The following CHD7 variants were observed in gnomAD, a reference collection of about 807,000 sequenced individuals.
The protein encoded by CHD7 is ATP-dependent chromatin remodeler CHD7.
Under a neutral mutation model 307.3 loss-of-function variants are expected in CHD7, and 24 were observed. That is an observed-to-expected ratio of 0.08 (90% confidence interval 0.06 to 0.11). CHD7 has a LOEUF of 0.11. Among genes scored for constraint, CHD7 ranks in the 10% least tolerant of loss-of-function variants. The pLI, the probability that CHD7 is intolerant of heterozygous loss-of-function variation, is 1.00. For missense variants in CHD7, 3,106 were observed against 3,727.1 expected (o/e 0.83, Z 4.34); for synonymous variants, 1,363 against 1,349.9 (o/e 1.01, Z -0.21).
intron 2 of CHD7, among the ~76,000 whole-genome samples, chr8:60,776,650 A>G (rs964929465): frequency 3.9e-5 from 6 of 152,194 alleles, no homozygotes; most frequent in Non-Finnish European, 4.4e-5. Context: ...TGTTGAATAA[A>G]TATATGAATT....
intron 25 of CHD7, 148 bp downstream of exon 25, chr8:60,849,302 C>T (rs924090502): frequency 3.9e-6 from 2 of 512,930 alleles, no homozygotes; most frequent in Non-Finnish European, 7.1e-6. Context: ...TACTAAAAAT[C>T]TAATATGAAC....
chr8:60,706,267 A>G (rs1807017437), intron 1 of CHD7, among the ~76,000 whole-genome samples: 1 of 152,202 alleles, frequency 6.6e-6, no homozygotes, highest in African/African-American at 2.4e-5. Flanking sequence ...AGGTAGTTGA[A>G]CGATTATGAA....
In CHD7 at chr8:60,853,144, C is replaced by T. The variant is rs997501560; in HGVS notation, c.6419C>T (p.Thr2140Ile). 1.9e-6 allele frequency: 3 copies of T among 1,613,828 alleles called. No homozygotes were observed. The African/African-American group carries it at 4.0e-5, about 22-fold the overall frequency. The change falls in exon 31 of 38, where the codon ACA becomes ATA. Residue 2140 changes from threonine to isoleucine, a missense_variant. By Grantham distance (89) the Thr-to-Ile change is moderately conservative. This residue lies in a region of CHD7 where 1,030 missense variants were observed against 1,165.4 expected (regional missense o/e 0.88). Transcript: ENST00000423902. ...GCTCAAAACAGAGGGGCAGGTAATA[C>T]ATCTTCCTTGAACCCACTGGCAGTT... ...NFAQNRGAGN[T>I]SSLNPLAVGF...
At chr8:60,740,472 C>G (rs1438664014) in intron 1 of CHD7, among the ~76,000 whole-genome samples, 1 of 152,154 alleles carries the variant, frequency 6.6e-6, no homozygotes, top group Non-Finnish European at 1.5e-5. Flanking sequence ...TTGGGCTGCT[C>G]TGTGTCAGTG....
chr8:60,812,144 T>G (rs1024244303), intron 7 of CHD7, among the ~76,000 whole-genome samples: 1 of 152,206 alleles, frequency 6.6e-6, no homozygotes, highest in Non-Finnish European at 1.5e-5. Flanking sequence ...AAATTTTTTG[T>G]ACGGTCAGAT....
Position 60,808,417 on chromosome 8 carries a change from T to G in CHD7, c.2498+145T>G, listed in dbSNP as rs921252067. 100 of 620,238 alleles carry G rather than the reference T, an allele frequency of 1.6e-4. 2 individuals carry two copies. Among genetic ancestry groups the G allele is most frequent in the Middle Eastern group, 6.7e-4 (2 of 2,984 alleles). The allele number at this position is 620,238 out of a possible 1,614,324, so 38.4% of individuals were successfully genotyped here. ...CCTGGGAGGCCATTTTTTAACCAAC[T>G]TTTGTATGTTTGATATTTTATGAAT... On this transcript the variant is annotated intron_variant, in intron 7 of 37. Transcript: ENST00000423902.
chr8:60,679,439 G>A (rs933585727), intron 1 of CHD7: 4 of 21,162 alleles, frequency 1.9e-4, no homozygotes, highest in Non-Finnish European at 7.2e-4. Flanking sequence ...CTGCCGGCGT[G>A]GGGGGGGGGT....
chr8:60,831,865 CT>C (rs1210730377), intron 15 of CHD7, among the ~76,000 whole-genome samples: 3 of 152,068 alleles, frequency 2.0e-5, no homozygotes. Context: ...AATCTTTCCC[CT>C]TTTAATAACG....
chr8:60,812,533 G>A lies in CHD7; in HGVS notation c.2499-3854G>A, dbSNP rs975590110. Among the ~76,000 whole-genome samples the A allele has an allele frequency of 5.3e-5, 8 of 151,708 alleles. No individual in the cohort carries two copies. In the South Asian group the frequency reaches 8.4e-4, roughly 16 times the overall value. The stretch of plus-strand genomic sequence containing the variant: ...CAAAAAATTAGCTGAGCATGGTGGC[G>A]GGTGCCTGTAATCCCAGCTACTCGG... On this transcript the variant is annotated intron_variant, in intron 7 of 37. Coordinates refer to ENST00000423902, the MANE Select transcript of CHD7 (RefSeq NM_017780.4).
In CHD7 at chr8:60,741,622, A is replaced by G. The variant is rs1299084588; in HGVS notation, c.190A>G (p.Thr64Ala). ...TCATCCTTCAACTAATCAAAATCAAACAAAGCTGACACATTTTGATCACTA... is the reference window on the plus strand; with the variant it reads ...TCATCCTTCAACTAATCAAAATCAAGCAAAGCTGACACATTTTGATCACTA... ...LHHPSTNQNQ[T>A]KLTHFDHYNQ... Residue 64 changes from threonine to alanine, a missense_variant, in exon 2 of 38, where the codon ACA becomes GCA. Physicochemically the swap from Thr to Ala is moderately conservative, Grantham distance 58. Transcript: ENST00000423902. 1.2e-6 allele frequency: 2 copies of G among 1,613,682 alleles called. No homozygotes were observed. The highest frequency in any genetic ancestry group is 1.3e-5 in the African/African-American group (1 of 74,926).
chr8:60,806,773 C>A lies in CHD7; in HGVS notation c.2443-1444C>A, dbSNP rs77209306. The stretch of plus-strand genomic sequence containing the variant: ...ATCCCATCACTTTGGGAGGCTGAGA[C>A]GGGGGGATTGCTTGAGCCTAAGAGT... On this transcript the variant is annotated intron_variant, in intron 6 of 37. Coordinates refer to ENST00000423902, the MANE Select transcript of CHD7 (RefSeq NM_017780.4). 1.7e-3 allele frequency among the ~76,000 whole-genome samples: 263 copies of A among 152,160 alleles called. 1 individual carries two copies. Among genetic ancestry groups the A allele is most frequent in the African/African-American group, 5.4e-3 (224 of 41,520 alleles).
intron 25 of CHD7, among the ~76,000 whole-genome samples, chr8:60,849,639 A>T (rs1440032017): frequency 6.6e-6 from 1 of 152,184 alleles, no homozygotes; most frequent in Admixed American, 6.5e-5. Context: ...AAGGCTGGGG[A>T]TGCAGAACTG....
intron 15 of CHD7, among the ~76,000 whole-genome samples, chr8:60,835,842 G>A (rs1278427975): frequency 6.6e-6 from 1 of 152,172 alleles, no homozygotes; most frequent in Admixed American, 6.5e-5. Context: ...GTTGAAAAAT[G>A]TGGTTTTCCC....
At chr8:60,837,554 G>A in intron 17 of CHD7, 114 bp from the exon 18 acceptor site, 2 of 903,918 alleles carry the variant, frequency 2.2e-6, no homozygotes, top group Non-Finnish European at 3.3e-6. Flanking sequence ...ACTTCCCTAA[G>A]GCGCCACCTC....
chr8:60,697,617 A>G (rs1806548682), intron 1 of CHD7, among the ~76,000 whole-genome samples: 1 of 152,190 alleles, frequency 6.6e-6, no homozygotes, highest in Non-Finnish European at 1.5e-5. Context: ...GATGTATTCT[A>G]TTTCTGATAC....
intron 34 of CHD7, among the ~76,000 whole-genome samples, chr8:60,860,591 T>C (rs1466261128): frequency 6.6e-6 from 1 of 152,204 alleles, no homozygotes; most frequent in African/African-American, 2.4e-5. Flanking sequence ...AGTGCCACCA[T>C]GCCTGGCTAA....
chr8:60,795,561 A>G (rs928984345), intron 4 of CHD7, among the ~76,000 whole-genome samples: 2 of 152,256 alleles, frequency 1.3e-5, no homozygotes, highest in Non-Finnish European at 2.9e-5. Flanking sequence ...AGTTTCTGAC[A>G]TCTGGCACTC....
intron 24 of CHD7, 82 bp from the exon 25 acceptor site, chr8:60,848,969 G>A: frequency 9.3e-7 from 1 of 1,080,626 alleles, no homozygotes; most frequent in South Asian, 1.3e-5. Context: ...TCGTGGGAGA[G>A]AGGGCATGTG....
chr8:60,832,021 T>TAC lies in CHD7; in HGVS notation c.3778+1448_3778+1449dup, dbSNP rs139939193. Among the ~76,000 whole-genome samples, 723 of 152,150 alleles carry TAC rather than the reference T, an allele frequency of 4.8e-3. 10 individuals are homozygous for TAC. Among genetic ancestry groups the TAC allele is most frequent in the African/African-American group, 0.016 (673 of 41,510 alleles). ...AGTGAATTTCTTTTTTATATATATATACACAGTTTTTTTTTCTTGAGATAG... is the reference window on the plus strand; with the variant it reads ...AGTGAATTTCTTTTTTATATATATATACACACAGTTTTTTTTTCTTGAGATAG... On this transcript the variant is annotated intron_variant, in intron 15 of 37. Coordinates refer to ENST00000423902, the MANE Select transcript of CHD7 (RefSeq NM_017780.4).
Sources: allele counts gnomAD v4.1 joint callset (sites outside exome capture counted in the v4.1 genomes callset), GRCh38; gene constraint gnomAD v4.1.1; regional missense constraint gnomAD v4.1.1; transcripts MANE v1.5; gene names NCBI Gene and HGNC (gene_info 2026-07-23, HGNC 2026-07-21).